KLHL23: variants seen among roughly 807,000 people sequenced by gnomAD.
The protein encoded by KLHL23 is kelch-like protein 23.
A neutral mutation model predicts 48.9 loss-of-function variants in KLHL23; 33 were observed. The ratio of observed to expected loss-of-function variants is 0.67; its 90% CI spans 0.51 to 0.90. The LOEUF (loss-of-function observed/expected upper bound fraction) is 0.90. KLHL23 is among the 40% of genes least tolerant of loss of function. KLHL23 has a pLI of 0.00. For synonymous variants in KLHL23, 234 were observed against 231.6 expected (o/e 1.01, Z -0.09); for missense variants, 608 against 669.6 (o/e 0.91, Z 1.02).
chr2:169,740,769 TATA>T (rs1558947745), intron 2 of KLHL23, among the ~76,000 whole-genome samples: 61 of 86,934 alleles, frequency 7.0e-4, no homozygotes, highest in Admixed American at 4.3e-3. Context: ...TTTTATATTA[TATA>T]TATATATATA....
At chr2:169,742,935 C>T (rs185762021) in intron 3 of KLHL23, among the ~76,000 whole-genome samples, 182 of 152,304 alleles carry the variant, frequency 1.2e-3, no homozygotes, top group Admixed American at 2.1e-3. Flanking sequence ...TCTGTTTAAA[C>T]CTCAAAATAA....
rs753138054 is a variant in KLHL23 at position 169,736,228 on chromosome 2, G to T, written c.1213+1G>T. 3 of 1,596,206 alleles carry T rather than the reference G, an allele frequency of 1.9e-6. No homozygotes were observed. The South Asian group carries it at 3.4e-5, about 18-fold the overall frequency. ...ATTCCTATTGCAAACATGATTAAAG[G>T]TAAGTGGAGATTATGTTTATTTTGT... On this transcript the variant is annotated splice_donor_variant, in intron 2 of 3. Coordinates refer to ENST00000392647, the MANE Select transcript of KLHL23 (RefSeq NM_144711.6). LOFTEE classifies it high-confidence loss of function.
rs1235476286 is a variant in KLHL23 at position 169,749,964 on chromosome 2, T to TACAC, written c.*235_*236insCACA. On this transcript the variant is annotated 3_prime_UTR_variant, in exon 4 of 4. Coordinates refer to ENST00000392647, the MANE Select transcript of KLHL23 (RefSeq NM_144711.6). Reference sequence around the variant, plus strand: ...ACATATATGTGTTCATATATATGTATACATATATATGTGTATATATACGTA... The same window carrying TACAC: ...ACATATATGTGTTCATATATATGTATACACACATATATATGTGTATATATACGTA... 4.3e-4 allele frequency: 42 copies of TACAC among 98,490 alleles called. 1 individual carries two copies. Among genetic ancestry groups the TACAC allele is most frequent in the African/African-American group, 1.9e-3 (20 of 10,276 alleles). The allele number at this position is 98,490 out of a possible 1,614,324, so 6.1% of individuals were successfully genotyped here. A position where few individuals can be genotyped will look rare whatever the true frequency, so the allele number is the denominator to read the frequency against.
intron 3 of KLHL23, among the ~76,000 whole-genome samples, chr2:169,744,105 T>G (rs1403561374): frequency 6.6e-6 from 1 of 152,208 alleles, no homozygotes; most frequent in Non-Finnish European, 1.5e-5. Flanking sequence ...AGACCCTACA[T>G]TGGAAAAGGT....
chr2:169,742,992 G>C (rs1411279103), intron 3 of KLHL23, among the ~76,000 whole-genome samples: 1 of 152,158 alleles, frequency 6.6e-6, no homozygotes, highest in Non-Finnish European at 1.5e-5. Context: ...AGGACACTGA[G>C]GGTCAAAGAG....
chr2:169,745,232 G>C (rs1402586416), intron 3 of KLHL23, among the ~76,000 whole-genome samples: 2 of 151,990 alleles, frequency 1.3e-5, no homozygotes, highest in African/African-American at 2.4e-5. Context: ...AGAACTCTTG[G>C]CTGGGCGCGG....
intron 3 of KLHL23, among the ~76,000 whole-genome samples, chr2:169,742,580 C>T (rs1334418724): frequency 1.3e-5 from 2 of 152,250 alleles, no homozygotes; most frequent in African/African-American, 4.8e-5. Context: ...GCAGACTCTC[C>T]TGCTTTCAAC....
Position 169,749,489 on chromosome 2 carries a change from A to G in KLHL23, c.1434A>G (p.Thr478=). 1 of 1,614,136 alleles carries G rather than the reference A, an allele frequency of 6.2e-7. No homozygotes were observed. Among genetic ancestry groups the G allele is most frequent in the South Asian group, 1.1e-5 (1 of 91,082 alleles). ...LYLVGGQTTI[T]ECYDPEQNEW... ...TAGTCGGCGGACAAACTACAATCAC[A>G]GAATGCTATGACCCTGAACAAAATG... The change falls in exon 4 of 4, where the codon ACA becomes ACG. Residue 478 remains threonine (T), a synonymous_variant. Transcript: ENST00000392647.
chr2:169,749,795 G>T lies in KLHL23; in HGVS notation c.*63G>T, dbSNP rs1449729743. ...GAGTATAGTTTTATAAAAAAAGAAT[G>T]CAGGGTTTGAAGTTCCTTACCTGAT... On this transcript the variant is annotated 3_prime_UTR_variant, in exon 4 of 4. Coordinates refer to ENST00000392647, the MANE Select transcript of KLHL23 (RefSeq NM_144711.6). 1 of 1,519,214 alleles carries T rather than the reference G, an allele frequency of 6.6e-7. No homozygotes were observed. The highest frequency in any genetic ancestry group is 8.8e-7 in the Non-Finnish European group (1 of 1,131,148). The allele number at this position is 1,519,214 out of a possible 1,614,324, so 94.1% of individuals were successfully genotyped here.
chr2:169,735,570 A>G lies in KLHL23; in HGVS notation c.556A>G (p.Ile186Val), dbSNP rs771337897. 5 of 1,613,852 alleles carry G rather than the reference A, an allele frequency of 3.1e-6. No homozygotes were observed. Among genetic ancestry groups the G allele is most frequent in the East Asian group, 2.2e-5 (1 of 44,876 alleles). The change falls in exon 2 of 4, where the codon ATC becomes GTC. Residue 186 changes from isoleucine (I) to valine (V), a missense_variant. By Grantham distance (29) the Ile-to-Val change is conservative. Around this residue, in one of 3 missense-constraint regions of KLHL23, gnomAD observed 419 missense variants for 473.1 expected, o/e 0.89. Coordinates refer to ENST00000392647, the MANE Select transcript of KLHL23 (RefSeq NM_144711.6). This position sits in a 1 kb window ranked among gnomAD's most constrained non-coding sequence, Gnocchi z 4.5. Reference protein sequence around the residue: ...LEISLEKFLFILSRKNLSVWK... With the variant: ...LEISLEKFLFVLSRKNLSVWK... ...AATCAGCCTTGAAAAGTTTCTCTTT[A>G]TCTTGTCCAGAAAGAATCTCAGTGT...
At chr2:169,738,052 T>C (rs1337342286) in intron 2 of KLHL23, among the ~76,000 whole-genome samples, 1 of 152,200 alleles carries the variant, frequency 6.6e-6, no homozygotes, top group African/African-American at 2.4e-5. Context: ...TAACCTTGAG[T>C]GGAGTAGGAG....
rs970066831 is a variant in KLHL23 at position 169,740,057 on chromosome 2, C to T, written c.1214-1328C>T. On this transcript the variant is annotated intron_variant, in intron 2 of 3. Transcript: ENST00000392647. ...GGACTGGAAGTTGTTCTGGTTGAGT[C>T]GGTGAGTAAGTGGGGAGGGATTGTG... Among the ~76,000 whole-genome samples, 9 of 152,230 alleles carry T rather than the reference C, an allele frequency of 5.9e-5. No individual in the cohort carries two copies. In the South Asian group the frequency reaches 6.2e-4, roughly 11 times the overall value.
At chr2:169,736,879 G>A (rs1022757596) in intron 2 of KLHL23, among the ~76,000 whole-genome samples, 2 of 152,150 alleles carry the variant, frequency 1.3e-5, no homozygotes, top group African/African-American at 4.8e-5. Context: ...CTGGTAGGTC[G>A]TTACCAAATT....
chr2:169,742,064 C>T (rs1402939338), intron 3 of KLHL23, among the ~76,000 whole-genome samples: 3 of 152,190 alleles, frequency 2.0e-5, no homozygotes, highest in Admixed American at 6.5e-5. Flanking sequence ...GCTGTCTGCC[C>T]ATAAGGAATG....
At position 169,735,857 on chromosome 2, in the gene KLHL23, T is replaced by C. The variant is rs760919014; in HGVS notation, c.843T>C (p.Tyr281=). The change falls in exon 2 of 4, where the codon TAT becomes TAC. Residue 281 remains tyrosine, a synonymous_variant. Transcript: ENST00000392647. This position sits in a 1 kb window ranked among gnomAD's most constrained non-coding sequence, Gnocchi z 4.5. The stretch of plus-strand genomic sequence containing the variant: ...CCACAATGTATATAATTGGAGGCTA[T>C]TACTGGCATCCTTTATCAGAGGTTC... The part of the protein sequence containing the change: ...STATMYIIGG[Y]YWHPLSEVHI... 1.9e-6 allele frequency: 3 copies of C among 1,614,158 alleles called. No homozygotes were observed. The South Asian group carries it at 3.3e-5, about 18-fold the overall frequency.
intron 3 of KLHL23, among the ~76,000 whole-genome samples, chr2:169,745,177 A>G (rs968203586): frequency 2.0e-5 from 3 of 151,836 alleles, no homozygotes; most frequent in Non-Finnish European, 4.4e-5. Flanking sequence ...TCAGCCTCCC[A>G]AAGCACTGGG....
In KLHL23 at chr2:169,749,803, T is replaced by G; in HGVS notation, c.*71T>G. 1 of 1,510,232 alleles carries G rather than the reference T, an allele frequency of 6.6e-7. No homozygotes were observed. The highest frequency in any genetic ancestry group is 8.9e-7 in the Non-Finnish European group (1 of 1,123,628). The allele number at this position is 1,510,232 out of a possible 1,614,324, so 93.6% of individuals were successfully genotyped here. On this transcript the variant is annotated 3_prime_UTR_variant, in exon 4 of 4. Transcript: ENST00000392647. Reference sequence around the variant, plus strand: ...TTTTATAAAAAAAGAATGCAGGGTTTGAAGTTCCTTACCTGATAATTGTGT... The same window carrying G: ...TTTTATAAAAAAAGAATGCAGGGTTGGAAGTTCCTTACCTGATAATTGTGT...
rs560123934 is a variant in KLHL23, at chr2:169,741,226, G to A, written c.1214-159G>A. On this transcript the variant is annotated intron_variant, in intron 2 of 3. Coordinates refer to ENST00000392647, the MANE Select transcript of KLHL23 (RefSeq NM_144711.6). The stretch of plus-strand genomic sequence containing the variant: ...TCTCACCCTCTCTTAAGAGCACAAA[G>A]AGCCTTCCTTTTTTATTCTTTTGTC... 2.1e-5 allele frequency: 19 copies of A among 902,774 alleles called. No individual in the cohort carries two copies. The South Asian group carries it at 4.8e-4, about 23-fold the overall frequency. 55.9% of individuals were successfully genotyped at this position (902,774 alleles called of 1,614,324 possible). A position where few individuals can be genotyped will look rare whatever the true frequency, so the allele number is the denominator to read the frequency against.
At chr2:169,748,666 G>GAGA (rs148029005) in intron 3 of KLHL23, among the ~76,000 whole-genome samples, 138,607 of 151,840 alleles carry the variant, frequency 0.91, 63,516 homozygotes, top group Non-Finnish European at 0.95. Context: ...GGGAAGAAGG[G>GAGA]AGAAGTAGAG....
Sources: gnomAD v4.1 joint callset for allele counts (sites outside exome capture counted in the v4.1 genomes callset) on GRCh38, gnomAD v4.1.1 for gene constraint, gnomAD v4.1.1 regional missense constraint, Gnocchi (gnomAD v3.1) non-coding constraint, MANE v1.5 for transcripts, NCBI Gene and HGNC (gene_info 2026-07-23, HGNC 2026-07-21) for gene names.